RIMBP2: variants seen among roughly 807,000 people sequenced by gnomAD.
RIMBP2 encodes RIMS binding protein 2.
In RIMBP2, 48 loss-of-function variants were observed where a neutral mutation model predicts 118.6. The ratio of observed to expected loss-of-function variants is 0.40; its 90% CI spans 0.32 to 0.51. The LOEUF (loss-of-function observed/expected upper bound fraction) is 0.51. Among genes scored for constraint, RIMBP2 ranks in the 20% least tolerant of loss-of-function variants. The pLI is 0.41. For synonymous variants in RIMBP2, 762 were observed against 742.9 expected (o/e 1.03, Z -0.42); for missense variants, 1,551 against 1,768.3 (o/e 0.88, Z 2.20).
chr12:130,436,239 A>G (rs746133443), intron 13 of RIMBP2, among the ~76,000 whole-genome samples: 17 of 152,182 alleles, frequency 1.1e-4, no homozygotes, highest in Non-Finnish European at 1.6e-4. Context: ...GCCCTACCAC[A>G]ATCCACATGC....
At chr12:130,473,822 G>A (rs61935951) in intron 5 of RIMBP2, among the ~76,000 whole-genome samples, 40,168 of 152,038 alleles carry the variant, frequency 0.26, 6,501 homozygotes, top group Non-Finnish European at 0.35. Context: ...AACTGAGGCC[G>A]ACAATCTGAG....
rs1185361733 is a variant in RIMBP2 at position 130,447,324 on chromosome 12, T to C, written c.582-2055A>G. 6.6e-6 allele frequency among the ~76,000 whole-genome samples: 1 copy of C among 151,340 alleles called. No homozygotes were observed. Among genetic ancestry groups the C allele is most frequent in the East Asian group, 2.0e-4 (1 of 5,042 alleles). Reference sequence around the variant, plus strand: ...AGATCCTACGGCTGTCGTGACAACCTCGTCGGTGCTCCTGCGTGTGGGCCC... The same window carrying C: ...AGATCCTACGGCTGTCGTGACAACCCCGTCGGTGCTCCTGCGTGTGGGCCC... On this transcript the variant is annotated intron_variant, in intron 9 of 22. Coordinates refer to ENST00000690449, the MANE Select transcript of RIMBP2 (RefSeq NM_001393629.1). The surrounding 1 kb of genome is among the most constrained non-coding windows in gnomAD (Gnocchi z 4.4).
In RIMBP2 at chr12:130,431,752, T is replaced by C. The variant is rs2077167684; in HGVS notation, c.2253+2982A>G. The C allele has an allele frequency of 6.5e-6, 1 of 154,662 alleles. No homozygotes were observed. Among genetic ancestry groups the C allele is most frequent in the South Asian group, 2.0e-4 (1 of 4,900 alleles). 9.6% of individuals were successfully genotyped at this position (154,662 alleles called of 1,614,324 possible). A position where few individuals can be genotyped will look rare whatever the true frequency, so the allele number is the denominator to read the frequency against. On this transcript the variant is annotated intron_variant, in intron 14 of 22. Coordinates refer to ENST00000690449, the MANE Select transcript of RIMBP2 (RefSeq NM_001393629.1). The surrounding 1 kb of genome is among the most constrained non-coding windows in gnomAD (Gnocchi z 4.0). ...CATGCTTGGCCAAACAGACTTCCTC[T>C]GCAGTCTCATCAGAAGGAGTGGGAG...
At chr12:130,652,198 A>C (rs537632508) in intron 1 of RIMBP2, among the ~76,000 whole-genome samples, 1 of 152,344 alleles carries the variant, frequency 6.6e-6, no homozygotes, top group African/African-American at 2.4e-5. Flanking sequence ...CCAGGAAACT[A>C]TGTAGCCTTT....
At chr12:130,657,042 G>A (rs984741476) in intron 1 of RIMBP2, among the ~76,000 whole-genome samples, 2 of 152,220 alleles carry the variant, frequency 1.3e-5, no homozygotes, top group Non-Finnish European at 2.9e-5. Context: ...CTATAGGTGT[G>A]TACCACCATG....
At chr12:130,580,208 A>T (rs2140173880) in intron 2 of RIMBP2, among the ~76,000 whole-genome samples, 1 of 151,894 alleles carries the variant, frequency 6.6e-6, no homozygotes, top group South Asian at 2.1e-4. Context: ...AAAAAAAAAA[A>T]AAAAGTAATA....
At chr12:130,555,275 A>G (rs2056238320) in intron 2 of RIMBP2, among the ~76,000 whole-genome samples, 1 of 152,202 alleles carries the variant, frequency 6.6e-6, no homozygotes, top group African/African-American at 2.4e-5. Context: ...AAGCCCTCGC[A>G]GGAAAAAATG....
In RIMBP2 at chr12:130,646,262, TCCACCTGCCTCA is replaced by T. The variant is rs1336915542; in HGVS notation, c.-351-17818_-351-17807del. On this transcript the variant is annotated intron_variant, in intron 1 of 22. Coordinates refer to ENST00000690449, the MANE Select transcript of RIMBP2 (RefSeq NM_001393629.1). ...CTCCACCTCCCTCACCACTTCCCTCTCCACCTGCCTCACCACCTCCCTCACCACCTGCCTCTC... is the reference window on the plus strand; with the variant it reads ...CTCCACCTCCCTCACCACTTCCCTCTCCACCTCCCTCACCACCTGCCTCTC... Among the ~76,000 whole-genome samples the T allele has an allele frequency of 1.4e-4, 2 of 14,322 alleles. 1 individual carries two copies. The highest frequency in any genetic ancestry group is 1.5e-3 in the Admixed American group (2 of 1,304). The allele number at this position is 14,322 out of a possible 152,430, so 9.4% of individuals were successfully genotyped here.
At chr12:130,687,380 A>G (rs779413751) in intron 1 of RIMBP2, among the ~76,000 whole-genome samples, 4 of 152,198 alleles carry the variant, frequency 2.6e-5, no homozygotes, top group Non-Finnish European at 5.9e-5. Context: ...TCCACCTGTA[A>G]GATGTGGTAT....
At chr12:130,508,002 G>A (rs1350650836) in intron 3 of RIMBP2, among the ~76,000 whole-genome samples, 1 of 152,138 alleles carries the variant, frequency 6.6e-6, no homozygotes, top group East Asian at 1.9e-4. Flanking sequence ...TCGTAGAGAG[G>A]TCTCATTCGA....
Position 130,447,668 on chromosome 12 carries a change from A to G in RIMBP2, c.582-2399T>C, listed in dbSNP as rs1047755162. Among the ~76,000 whole-genome samples, 1 of 152,150 alleles carries G rather than the reference A, an allele frequency of 6.6e-6. No homozygotes were observed. Among genetic ancestry groups the G allele is most frequent in the East Asian group, 1.9e-4 (1 of 5,164 alleles). ...CACACTGCAAGTGGGTGAACTGTGCAGTGAGGACCATCTCTCCGTACAGCT... is the reference window on the plus strand; with the variant it reads ...CACACTGCAAGTGGGTGAACTGTGCGGTGAGGACCATCTCTCCGTACAGCT... On this transcript the variant is annotated intron_variant, in intron 9 of 22. Coordinates refer to ENST00000690449, the MANE Select transcript of RIMBP2 (RefSeq NM_001393629.1). This position sits in a 1 kb window ranked among gnomAD's most constrained non-coding sequence, Gnocchi z 4.4.
At chr12:130,609,083 T>G (rs1419009469) in intron 2 of RIMBP2, among the ~76,000 whole-genome samples, 1 of 152,156 alleles carries the variant, frequency 6.6e-6, no homozygotes, top group Non-Finnish European at 1.5e-5. Context: ...GGTTCATCCA[T>G]GTTGTCAGAA....
chr12:130,579,387 A>G (rs527502351), intron 2 of RIMBP2, among the ~76,000 whole-genome samples: 1 of 152,198 alleles, frequency 6.6e-6, no homozygotes, highest in South Asian at 2.1e-4. Context: ...CTCTCTGATG[A>G]GCTTCCCTGG....
chr12:130,571,761 T>C (rs2057683434), intron 2 of RIMBP2, among the ~76,000 whole-genome samples: 1 of 152,090 alleles, frequency 6.6e-6, no homozygotes, highest in Non-Finnish European at 1.5e-5. Context: ...TCCAAGGCTG[T>C]TTGTATCTGG....
At chr12:130,399,528 A>T in intron 22 of RIMBP2, 151 bp downstream of exon 22, 1 of 776,404 alleles carries the variant, frequency 1.3e-6, no homozygotes, top group Non-Finnish European at 2.0e-6. Context: ...ATTTTTAGGT[A>T]CAACTCCCAT....
intron 5 of RIMBP2, chr12:130,471,990 T>A (rs1229869269): frequency 3.3e-5 from 5 of 152,568 alleles, no homozygotes; most frequent in African/African-American, 9.7e-5. Context: ...GGACTTTGGC[T>A]TGGGAGGAGG....
chr12:130,411,231 C>T (rs1209467071), intron 19 of RIMBP2, among the ~76,000 whole-genome samples: 1 of 152,126 alleles, frequency 6.6e-6, no homozygotes, highest in Non-Finnish European at 1.5e-5. Context: ...TTTGTTAGTT[C>T]TAGGAACTTT....
At position 130,660,331 on chromosome 12, in the gene RIMBP2, C is replaced by CCTCTCTTCATTCTCTACCCTT. The variant is rs1240476733; in HGVS notation, c.-351-31896_-351-31876dup. 3.3e-4 allele frequency: 11 copies of CCTCTCTTCATTCTCTACCCTT among 33,642 alleles called. 3 individuals are homozygous for CCTCTCTTCATTCTCTACCCTT. The highest frequency in any genetic ancestry group is 1.1e-3 in the Non-Finnish European group (11 of 9,848). 2.1% of individuals were successfully genotyped at this position (33,642 alleles called of 1,614,324 possible). ...GCATTCAGGAAGGGAGCAGGAACCT[C>CCTCTCTTCATTCTCTACCCTT]CTCTCTTCATTCTCTACCCTTCTCT... On this transcript the variant is annotated intron_variant, in intron 1 of 22. Transcript: ENST00000690449.
intron 2 of RIMBP2, among the ~76,000 whole-genome samples, chr12:130,555,001 A>T (rs2056206456): frequency 6.6e-6 from 1 of 152,264 alleles, no homozygotes; most frequent in East Asian, 1.9e-4. Flanking sequence ...TGTTCTAAAC[A>T]TTTTATAAAC....
Sources: allele counts gnomAD v4.1 joint callset (sites outside exome capture counted in the v4.1 genomes callset), GRCh38; gene constraint gnomAD v4.1.1; non-coding constraint Gnocchi (gnomAD v3.1); transcripts MANE v1.5; gene names NCBI Gene and HGNC (gene_info 2026-07-23, HGNC 2026-07-21).